Variants in DLGAP2 observed in about 807,000 individuals in gnomAD.
DLGAP2 encodes the protein disks large-associated protein 2.
In DLGAP2, 26 loss-of-function variants were observed where a neutral mutation model predicts 100.3. That is an observed-to-expected ratio of 0.26 (90% CI 0.19 to 0.36). The LOEUF (loss-of-function observed/expected upper bound fraction) is 0.36, where lower values mean the gene tolerates loss of function less well. Ranked by LOEUF, DLGAP2 falls within the 10% of genes least tolerant of loss-of-function variation. DLGAP2 has a pLI of 1.00. For missense variants in DLGAP2, 1,858 were observed against 1,453.2 expected (o/e 1.28, Z -4.53); for synonymous variants, 886 against 630.1 (o/e 1.41, Z -6.08).
At chr8:999,360 C>A in intron 2 of DLGAP2, among the ~76,000 whole-genome samples, 1 of 151,822 alleles carries the variant, frequency 6.6e-6, no homozygotes, top group Non-Finnish European at 1.5e-5. Context: ...ATCTTCTTTC[C>A]CTTGTTGAAT....
chr8:1,703,205 A>T lies in DLGAP2; in HGVS notation c.*1799A>T, dbSNP rs911615207. ...ATTCCCTGTAAAAACAAAACCCTGT[A>T]AATTGAGCCTCATGTCTGGTATATA... On this transcript the variant is annotated 3_prime_UTR_variant, in exon 15 of 15. Transcript: ENST00000637795. The T allele has an allele frequency of 6.6e-6, 1 of 152,600 alleles. No individual in the cohort carries two copies. The highest frequency in any genetic ancestry group is 2.4e-5 in the African/African-American group (1 of 41,428). 9.5% of individuals were successfully genotyped at this position (152,600 alleles called of 1,614,324 possible). A position where few individuals can be genotyped will look rare whatever the true frequency, so the allele number is the denominator to read the frequency against.
chr8:1,066,310 C>T (rs565129974), intron 2 of DLGAP2, among the ~76,000 whole-genome samples: 5 of 147,038 alleles, frequency 3.4e-5, no homozygotes, highest in African/African-American at 5.0e-5. Flanking sequence ...AGGACAGCTC[C>T]CCACCATGGG....
intron 6 of DLGAP2, among the ~76,000 whole-genome samples, chr8:1,604,292 G>A (rs1253828186): frequency 6.6e-6 from 1 of 152,192 alleles, no homozygotes; most frequent in African/African-American, 2.4e-5. Context: ...AGGGAGAGAT[G>A]TTTCACTAGG....
intron 1 of DLGAP2, among the ~76,000 whole-genome samples, chr8:833,674 C>G (rs1028988501): frequency 6.6e-6 from 1 of 152,222 alleles, no homozygotes; most frequent in Admixed American, 6.5e-5. Flanking sequence ...CGTGAGGTCA[C>G]CAGTTCTCAG....
intron 3 of DLGAP2, among the ~76,000 whole-genome samples, chr8:1,261,731 C>G (rs6987485): frequency 0.48 from 73,337 of 152,108 alleles, 18,993 homozygotes; most frequent in African/African-American, 0.69. Context: ...TTTAGTTTTC[C>G]CAAAGCACTG....
chr8:1,630,912 G>C (rs35034057), intron 7 of DLGAP2, among the ~76,000 whole-genome samples: 423 of 136,396 alleles, frequency 3.1e-3, no homozygotes, highest in African/African-American at 0.013. Context: ...CCGAGGGTCT[G>C]GGCGGGAGGT....
intron 2 of DLGAP2, among the ~76,000 whole-genome samples, chr8:1,072,171 G>C (rs1033128532): frequency 1.3e-5 from 2 of 152,210 alleles, no homozygotes; most frequent in East Asian, 3.9e-4. Context: ...TTACAGAAAA[G>C]TTGGTGACAT....
At chr8:865,989 T>C (rs1005827928) in intron 1 of DLGAP2, among the ~76,000 whole-genome samples, 1 of 152,192 alleles carries the variant, frequency 6.6e-6, no homozygotes, top group African/African-American at 2.4e-5. Context: ...TTGGGTATGG[T>C]ATTCTAATCC....
chr8:1,413,458 G>C (rs1370299324), intron 3 of DLGAP2, among the ~76,000 whole-genome samples: 2 of 152,144 alleles, frequency 1.3e-5, no homozygotes, highest in Non-Finnish European at 2.9e-5. Flanking sequence ...GCAAGCAAAA[G>C]TCACTATGCA....
chr8:1,209,747 A>T (rs1292667889), intron 2 of DLGAP2, among the ~76,000 whole-genome samples: 1 of 152,144 alleles, frequency 6.6e-6, no homozygotes, highest in Non-Finnish European at 1.5e-5. Context: ...TTTTTCCAGG[A>T]ATTAGTCATA....
chr8:1,296,753 GGTAA>G (rs1185872396), intron 3 of DLGAP2, among the ~76,000 whole-genome samples: 6 of 152,172 alleles, frequency 3.9e-5, no homozygotes, highest in African/African-American at 1.2e-4. Flanking sequence ...CGGGAAACGT[GGTAA>G]GTGAGTCCCT....
intron 3 of DLGAP2, among the ~76,000 whole-genome samples, chr8:1,287,565 G>A (rs1212600213): frequency 2.3e-5 from 3 of 129,618 alleles, no homozygotes; most frequent in South Asian, 2.7e-4. Flanking sequence ...GGTTCTGTTC[G>A]GAGGGGAACT....
rs556692853 is a variant in DLGAP2, at chr8:1,632,335, A to T, written c.1591-492A>T. Among the ~76,000 whole-genome samples the T allele has an allele frequency of 2.0e-5, 3 of 152,332 alleles. No individual in the cohort carries two copies. In the South Asian group the frequency reaches 6.2e-4, roughly 32 times the overall value. The stretch of plus-strand genomic sequence containing the variant: ...GTGATGAGTTGCCATGGCAATGGGT[A>T]GAAGCAGACTCCATATTCTGAAAAA... On this transcript the variant is annotated intron_variant, in intron 7 of 14. Coordinates refer to ENST00000637795, the MANE Select transcript of DLGAP2 (RefSeq NM_001346810.2).
intron 1 of DLGAP2, among the ~76,000 whole-genome samples, chr8:787,257 A>G (rs140478769): frequency 9.7e-4 from 147 of 152,156 alleles, no homozygotes; most frequent in Middle Eastern, 3.4e-3. Context: ...GTTAGTAACT[A>G]TGGCAGAGCC....
chr8:1,058,852 A>G (rs1239959178), intron 2 of DLGAP2, among the ~76,000 whole-genome samples: 1 of 152,206 alleles, frequency 6.6e-6, no homozygotes, highest in Non-Finnish European at 1.5e-5. Context: ...GAGTTCCTGG[A>G]CACCTGTGCG....
chr8:1,046,120 G>C (rs1802507811), intron 2 of DLGAP2, among the ~76,000 whole-genome samples: 2 of 152,128 alleles, frequency 1.3e-5, no homozygotes, highest in African/African-American at 4.8e-5. Flanking sequence ...GTAAATTAGT[G>C]GTAAATAGAA....
chr8:763,524 C>A (rs547481708), intron 1 of DLGAP2, among the ~76,000 whole-genome samples: 1 of 152,310 alleles, frequency 6.6e-6, no homozygotes, highest in African/African-American at 2.4e-5. Flanking sequence ...GACCATTCCT[C>A]ATAGAATTTG....
At chr8:1,294,152 G>A (rs552214722) in intron 3 of DLGAP2, among the ~76,000 whole-genome samples, 25 of 152,140 alleles carry the variant, frequency 1.6e-4, no homozygotes, top group Admixed American at 2.6e-4. Context: ...AAACTGTATG[G>A]AGGAGCTGGT....
intron 8 of DLGAP2, among the ~76,000 whole-genome samples, chr8:1,649,043 C>A (rs1210490910): frequency 2.6e-5 from 4 of 152,002 alleles, no homozygotes; most frequent in Non-Finnish European, 5.9e-5. Context: ...TCCGGAGGGG[C>A]CCAAAAAATC....
Sources: allele counts gnomAD v4.1 joint callset (sites outside exome capture counted in the v4.1 genomes callset), GRCh38; gene constraint gnomAD v4.1.1; transcripts MANE v1.5; gene names NCBI Gene and HGNC (gene_info 2026-07-23, HGNC 2026-07-21).